Variants in LDLRAD4 observed in about 807,000 individuals in gnomAD.
The protein encoded by LDLRAD4 is low-density lipoprotein receptor class A domain-containing protein 4.
Under a neutral mutation model 17.0 loss-of-function variants are expected in LDLRAD4, and 5 were observed. The ratio of observed to expected loss-of-function variants is 0.29; its 90% confidence interval spans 0.15 to 0.62. The LOEUF (loss-of-function observed/expected upper bound fraction) is 0.62, where lower values mean the gene tolerates loss of function less well. LDLRAD4 is among the 20% of genes least tolerant of loss of function. The pLI is 0.84. For synonymous variants in LDLRAD4, 168 were observed against 171.8 expected (o/e 0.98, Z 0.17); for missense variants, 340 against 424.7 (o/e 0.80, Z 1.75).
intron 1 of LDLRAD4, among the ~76,000 whole-genome samples, chr18:13,219,473 C>T (rs949501816): frequency 6.6e-6 from 1 of 152,112 alleles, no homozygotes; most frequent in Admixed American, 6.5e-5. Flanking sequence ...ATCCCCGGAC[C>T]AGCGCTGCTT....
chr18:13,621,799 C>T lies in LDLRAD4; in HGVS notation c.336+528C>T, dbSNP rs1438219229. Among the ~76,000 whole-genome samples, 17 of 141,304 alleles carry T rather than the reference C, an allele frequency of 1.2e-4. No homozygotes were observed. Among genetic ancestry groups the T allele is most frequent in the South Asian group, 2.6e-4 (1 of 3,888 alleles). The allele number at this position is 141,304 out of a possible 152,430, so 92.7% of individuals were successfully genotyped here. On this transcript the variant is annotated intron_variant, in intron 4 of 5. Transcript: ENST00000359446. The surrounding 1 kb of genome is among the most constrained non-coding windows in gnomAD (Gnocchi z 5.5). ...TGGGGATCGGCGGTGGGGTTGTTGGCGGTGGGCTTGTCAGCGGTGGGCTTG... is the reference window on the plus strand; with the variant it reads ...TGGGGATCGGCGGTGGGGTTGTTGGTGGTGGGCTTGTCAGCGGTGGGCTTG...
Position 13,545,401 on chromosome 18 carries a change from A to G in LDLRAD4, c.182-75716A>G, listed in dbSNP as rs530356037. Among the ~76,000 whole-genome samples, 5 of 152,304 alleles carry G rather than the reference A, an allele frequency of 3.3e-5. No individual in the cohort carries two copies. In the East Asian group the frequency reaches 9.6e-4, roughly 29 times the overall value. On this transcript the variant is annotated intron_variant, in intron 3 of 5. Coordinates refer to ENST00000359446, the Ensembl canonical transcript of LDLRAD4. The stretch of plus-strand genomic sequence containing the variant: ...TTTGGCAACACCAAAATGTATGGTG[A>G]GCCCTTAGTTAAAGTGTGGGAAAAC...
At chr18:13,413,628 C>T (rs760772019) in intron 2 of LDLRAD4, among the ~76,000 whole-genome samples, 5 of 152,166 alleles carry the variant, frequency 3.3e-5, no homozygotes, top group East Asian at 1.9e-4. Flanking sequence ...TGTCTTTAAA[C>T]GTCTGGGAAT....
intron 3 of LDLRAD4, among the ~76,000 whole-genome samples, chr18:13,603,653 C>G (rs768792800): frequency 6.6e-6 from 1 of 152,212 alleles, no homozygotes; most frequent in Middle Eastern, 3.2e-3. Flanking sequence ...CCACAGGAAG[C>G]GCCATCTCAG....
chr18:13,471,362 G>T (rs530351748), intron 3 of LDLRAD4: 2 of 152,336 alleles, frequency 1.3e-5, no homozygotes, highest in East Asian at 3.9e-4. Flanking sequence ...AGTGGCGGTG[G>T]AATGCACACA....
chr18:13,449,957 G>C (rs544476088), intron 3 of LDLRAD4, among the ~76,000 whole-genome samples: 87 of 152,302 alleles, frequency 5.7e-4, no homozygotes, highest in Middle Eastern at 3.4e-3. Flanking sequence ...CTTCCATCAC[G>C]GGATGTAAGC....
At chr18:13,372,361 A>G (rs940422213) in intron 1 of LDLRAD4, among the ~76,000 whole-genome samples, 4 of 152,228 alleles carry the variant, frequency 2.6e-5, no homozygotes, top group Non-Finnish European at 5.9e-5. Flanking sequence ...TGAGAGGAAG[A>G]GAGGATTTGC....
intron 3 of LDLRAD4, among the ~76,000 whole-genome samples, chr18:13,568,730 A>G (rs2148314042): frequency 6.6e-6 from 1 of 152,300 alleles, no homozygotes; most frequent in East Asian, 1.9e-4. Context: ...GTTATAATTT[A>G]GGGTCTCTGT....
At chr18:13,339,232 A>T (rs1296772629) in intron 1 of LDLRAD4, among the ~76,000 whole-genome samples, 3 of 147,018 alleles carry the variant, frequency 2.0e-5, no homozygotes, top group Non-Finnish European at 3.0e-5. Flanking sequence ...TTTTTTTAAG[A>T]CTGAGTCTTG....
At chr18:13,556,383 G>A (rs1019630953) in intron 3 of LDLRAD4, among the ~76,000 whole-genome samples, 5 of 152,190 alleles carry the variant, frequency 3.3e-5, no homozygotes, top group African/African-American at 4.8e-5. Context: ...TTACCATCCA[G>A]TGAAGACACA....
At position 13,529,712 on chromosome 18, in the gene LDLRAD4, T is replaced by C. The variant is rs182099318; in HGVS notation, c.181+91328T>C. Among the ~76,000 whole-genome samples, 744 of 152,378 alleles carry C rather than the reference T, an allele frequency of 4.9e-3. 4 individuals are homozygous for C. Among genetic ancestry groups the C allele is most frequent in the Non-Finnish European group, 8.2e-3 (556 of 68,036 alleles). On this transcript the variant is annotated intron_variant, in intron 3 of 5. Transcript: ENST00000359446. ...AACTTTTGGATCAATAGCGATCCTA[T>C]CCTTTCTCTGAATGTTGGCAGGACA...
chr18:13,254,818 G>T (rs1157993725), intron 1 of LDLRAD4, among the ~76,000 whole-genome samples: 1 of 152,146 alleles, frequency 6.6e-6, no homozygotes, highest in Non-Finnish European at 1.5e-5. Flanking sequence ...CCCAAAATTA[G>T]CTGGGCGTAG....
intron 3 of LDLRAD4, among the ~76,000 whole-genome samples, chr18:13,441,996 A>T (rs1305901524): frequency 6.6e-6 from 1 of 152,234 alleles, no homozygotes; most frequent in Non-Finnish European, 1.5e-5. Context: ...AAGAGGAAAT[A>T]TGCTGTCAGC....
intron 3 of LDLRAD4, among the ~76,000 whole-genome samples, chr18:13,617,522 A>G (rs1002445907): frequency 1.3e-5 from 2 of 152,238 alleles, no homozygotes; most frequent in Admixed American, 6.5e-5. Context: ...GGAAAAAGAG[A>G]GTATTTGATG....
chr18:13,579,867 C>G (rs1243724049), intron 3 of LDLRAD4, among the ~76,000 whole-genome samples: 2 of 152,130 alleles, frequency 1.3e-5, no homozygotes, highest in Non-Finnish European at 2.9e-5. Context: ...GTCTGTCATG[C>G]GTTGTCTGGG....
chr18:13,474,541 A>T (rs1373546100), intron 3 of LDLRAD4, among the ~76,000 whole-genome samples: 1 of 152,222 alleles, frequency 6.6e-6, no homozygotes, highest in South Asian at 2.1e-4. Flanking sequence ...CTGATACCCC[A>T]GTGAGGACTT....
At chr18:13,530,644 CTGAG>C (rs1288525154) in intron 3 of LDLRAD4, among the ~76,000 whole-genome samples, 7 of 152,244 alleles carry the variant, frequency 4.6e-5, no homozygotes, top group Non-Finnish European at 8.8e-5. Context: ...TCTCTGCCCA[CTGAG>C]TGAGTGCTCT....
chr18:13,526,964 G>T, intron 3 of LDLRAD4, among the ~76,000 whole-genome samples: 1 of 152,176 alleles, frequency 6.6e-6, no homozygotes, highest in East Asian at 1.9e-4. Flanking sequence ...TCTGTCTCAT[G>T]AATATAGATG....
chr18:13,477,850 G>A (rs923824278), intron 3 of LDLRAD4, among the ~76,000 whole-genome samples: 2 of 152,214 alleles, frequency 1.3e-5, no homozygotes, highest in Non-Finnish European at 2.9e-5. Context: ...ATGTAGTCAA[G>A]GGCCAGAGCT....
Sources: gnomAD v4.1 joint callset for allele counts (sites outside exome capture counted in the v4.1 genomes callset) on GRCh38, gnomAD v4.1.1 for gene constraint, Gnocchi (gnomAD v3.1) non-coding constraint, MANE v1.5 for transcripts, NCBI Gene and HGNC (gene_info 2026-07-23, HGNC 2026-07-21) for gene names.